Variants in UBA52 observed in about 807,000 individuals in gnomAD.
UBA52 encodes ubiquitin A-52 residue ribosomal protein fusion product 1.
A neutral mutation model predicts 15.3 loss-of-function variants in UBA52; 1 was observed. The observed-to-expected ratio is 0.07, with a 90% CI of 0.02 to 0.31. The LOEUF is 0.31. Ranked by LOEUF, UBA52 falls within the 10% of genes least tolerant of loss-of-function variation. The pLI, the probability that UBA52 is intolerant of heterozygous loss-of-function variation, is 1.00. For synonymous variants in UBA52, 50 were observed against 58.3 expected (o/e 0.86, Z 0.65); for missense variants, 87 against 168.0 (o/e 0.52, Z 2.66).
At chr19:18,570,402 A>C (rs989101803), upstream of UBA52, among the ~76,000 whole-genome samples, 8 of 150,182 alleles carry the variant, frequency 5.3e-5, no homozygotes, top group South Asian at 2.1e-4. Flanking sequence ...GGGTCTCACT[A>C]TGTCTTCCAG....
At chr19:18,573,486 G>T in intron 2 of UBA52, 83 bp downstream of exon 2, 1 of 1,364,282 alleles carries the variant, frequency 7.3e-7, no homozygotes, top group Non-Finnish European at 1.0e-6. Flanking sequence ...TGTGTGGGTT[G>T]TGCTGACTTT....
chr19:18,568,750 C>A, upstream of UBA52: 1 of 722,332 alleles, frequency 1.4e-6, no homozygotes, highest in Non-Finnish European at 2.3e-6. Flanking sequence ...TCACCCAGGG[C>A]TCCTAGGGGG....
chr19:18,571,296 G>A (rs1975470526), upstream of UBA52, among the ~76,000 whole-genome samples: 1 of 129,000 alleles, frequency 7.8e-6, no homozygotes, highest in Non-Finnish European at 1.6e-5. Flanking sequence ...GGCAACGAGA[G>A]CGAAACTCCG....
At chr19:18,566,761 C>T (rs1434993537), upstream of UBA52, among the ~76,000 whole-genome samples, 2 of 151,806 alleles carry the variant, frequency 1.3e-5, no homozygotes, top group African/African-American at 2.4e-5. Flanking sequence ...CCACTGCACT[C>T]CACCCTGGGC....
At chr19:18,574,523 G>C (rs41293569) in intron 3 of UBA52, among the ~76,000 whole-genome samples, 3,594 of 152,198 alleles carry the variant, frequency 0.024, 142 homozygotes, top group African/African-American at 0.081. Flanking sequence ...TAAAGTGCTA[G>C]GATTACAGGC....
chr19:18,565,019 C>A, the UBA52 span: 1 of 1,589,640 alleles, frequency 6.3e-7, no homozygotes, highest in African/African-American at 1.5e-5. Context: ...TCCGCCGTAT[C>A]AGGTGGGTGC....
chr19:18,573,851 T>A, intron 3 of UBA52, 103 bp downstream of exon 3: 1 of 1,128,788 alleles, frequency 8.9e-7, no homozygotes, highest in Non-Finnish European at 1.3e-6. Flanking sequence ...ATGACTTGTG[T>A]TTTGTTTAAA....
At chr19:18,570,782 G>A (rs1975453387), upstream of UBA52, among the ~76,000 whole-genome samples, 1 of 151,640 alleles carries the variant, frequency 6.6e-6, no homozygotes, top group Non-Finnish European at 1.5e-5. Flanking sequence ...CTGCCTCCCG[G>A]GTTCAAGCGA....
intron 1 of UBA52, chr19:18,572,880 G>A (rs1316009392): frequency 3.7e-6 from 4 of 1,069,152 alleles, no homozygotes; most frequent in Middle Eastern, 4.5e-4. Flanking sequence ...GGAGCAGCCT[G>A]TGCAGATCAG....
At chr19:18,572,789 G>C (rs989277647) in intron 1 of UBA52, 2 of 1,005,032 alleles carry the variant, frequency 2.0e-6, no homozygotes, top group South Asian at 4.0e-5. Flanking sequence ...GGGTGCTCCA[G>C]CTTGGAGTTA....
upstream of UBA52, among the ~76,000 whole-genome samples, chr19:18,571,359 A>T (rs1379314068): frequency 1.3e-5 from 2 of 150,086 alleles, no homozygotes; most frequent in Non-Finnish European, 2.9e-5. Context: ...ACCTTTTGTC[A>T]GGCACCACCA....
rs1334494517 is a variant in UBA52, at chr19:18,573,293, A to T, written c.-8A>T. On this transcript the variant is annotated splice_region_variant and 5_prime_UTR_variant, in exon 2 of 5. Coordinates refer to ENST00000442744, the MANE Select transcript of UBA52 (RefSeq NM_001033930.3). ...TATCCTGCCTCCCTTCCTCCTGCAG[A>T]CGCAAACATGCAGATCTTTGTGAAG... 6.2e-7 allele frequency: 1 copy of T among 1,614,110 alleles called. No homozygotes were observed. Among genetic ancestry groups the T allele is most frequent in the Non-Finnish European group, 8.5e-7 (1 of 1,179,960 alleles).
At chr19:18,569,015 G>A (rs773829093), upstream of UBA52, 5 of 244,762 alleles carry the variant, frequency 2.0e-5, no homozygotes, top group Non-Finnish European at 4.0e-5. Context: ...TCCTTGAGGT[G>A]CACAAGCACG....
the UBA52 span, chr19:18,565,191 G>GT: frequency 7.2e-7 from 1 of 1,393,076 alleles, no homozygotes; most frequent in East Asian, 2.5e-5. Flanking sequence ...AAATCTTGAC[G>GT]TAAGTTTATT....
At chr19:18,564,483 T>C in the UBA52 span, among the ~76,000 whole-genome samples, 1 of 151,934 alleles carries the variant, frequency 6.6e-6, no homozygotes, top group Non-Finnish European at 1.5e-5. Context: ...TAGCCAGGCA[T>C]GGTGGCGGAC....
At chr19:18,565,239 T>TA in the UBA52 span, 3 of 1,338,580 alleles carry the variant, frequency 2.2e-6, no homozygotes, top group Non-Finnish European at 2.9e-6. Flanking sequence ...AGTTTTTTTT[T>TA]TTTTTTTGGA....
the UBA52 span, among the ~76,000 whole-genome samples, chr19:18,564,405 A>G: frequency 1.1e-4 from 16 of 152,008 alleles, no homozygotes; most frequent in Non-Finnish European, 2.1e-4. Context: ...GTGGATCACG[A>G]GGTCAGGAGA....
upstream of UBA52, chr19:18,567,257 G>A (rs1389712109): frequency 7.0e-7 from 1 of 1,434,940 alleles, no homozygotes; most frequent in East Asian, 2.3e-5. Context: ...GGCCACCTTG[G>A]GGCCTGATAC....
In UBA52 at chr19:18,576,376, G is replaced by C. The variant is rs1975783645; in HGVS notation, c.*1226G>C. Reference sequence around the variant, plus strand: ...AGGTGGGCAAATCATAAGGTCAAGAGTTTTTTAGATGGGGTGAGCACAGAC... The same window carrying C: ...AGGTGGGCAAATCATAAGGTCAAGACTTTTTTAGATGGGGTGAGCACAGAC... On this transcript the variant is annotated 3_prime_UTR_variant, in exon 5 of 5. Coordinates refer to ENST00000442744, the MANE Select transcript of UBA52 (RefSeq NM_001033930.3). The C allele has an allele frequency of 6.6e-6, 1 of 152,266 alleles. No individual in the cohort carries two copies. The highest frequency in any genetic ancestry group is 1.5e-5 in the Non-Finnish European group (1 of 68,094). The allele number at this position is 152,266 out of a possible 1,614,324, so 9.4% of individuals were successfully genotyped here. A position where few individuals can be genotyped will look rare whatever the true frequency, so the allele number is the denominator to read the frequency against.
Sources: gnomAD v4.1 joint callset for allele counts (sites outside exome capture counted in the v4.1 genomes callset) on GRCh38, gnomAD v4.1.1 for gene constraint, MANE v1.5 for transcripts, NCBI Gene and HGNC (gene_info 2026-07-23, HGNC 2026-07-21) for gene names.